The following HNF4G variants were observed in gnomAD, a reference collection of about 807,000 sequenced individuals.
HNF4G encodes the protein hepatocyte nuclear factor 4 gamma.
A neutral mutation model predicts 50.9 loss-of-function variants in HNF4G; 21 were observed. That is an observed-to-expected ratio of 0.41 (90% confidence interval 0.29 to 0.59). The LOEUF is 0.59. HNF4G is among the 20% of genes least tolerant of loss of function. The pLI, the probability that HNF4G is intolerant of heterozygous loss-of-function variation, is 0.26. For synonymous variants in HNF4G, 198 were observed against 185.6 expected, an observed-to-expected ratio of 1.07 and a Z score of -0.54; for missense variants, 527 against 559.4, an observed-to-expected ratio of 0.94 and a Z score of 0.58.
intron 1 of HNF4G, among the ~76,000 whole-genome samples, chr8:75,479,080 G>A (rs1812311318): frequency 6.6e-6 from 1 of 152,144 alleles, no homozygotes; most frequent in African/African-American, 2.4e-5. Flanking sequence ...CACAGAATTG[G>A]CCCTTGTTAT....
At chr8:75,412,350 G>A (rs1440105917) in intron 1 of HNF4G, among the ~76,000 whole-genome samples, 1 of 152,144 alleles carries the variant, frequency 6.6e-6, no homozygotes, top group African/African-American at 2.4e-5. Context: ...TGTTTCTTCA[G>A]ATTAAATAGC....
At chr8:75,504,500 A>G (rs1451222375) in intron 2 of HNF4G, among the ~76,000 whole-genome samples, 1 of 135,662 alleles carries the variant, frequency 7.4e-6, no homozygotes, top group Non-Finnish European at 1.5e-5. Flanking sequence ...TTACAAACAT[A>G]TATACACATA....
At chr8:75,506,875 C>CAAA (rs1813091037) in intron 2 of HNF4G, among the ~76,000 whole-genome samples, 1 of 152,086 alleles carries the variant, frequency 6.6e-6, no homozygotes. Flanking sequence ...ACAACAACAA[C>CAAA]ATCAGCAAAA....
intron 1 of HNF4G, among the ~76,000 whole-genome samples, chr8:75,471,299 G>A (rs1812105822): frequency 6.6e-6 from 1 of 152,112 alleles, no homozygotes; most frequent in African/African-American, 2.4e-5. Context: ...ACTGACTCTT[G>A]TAGCATAATC....
intron 1 of HNF4G, among the ~76,000 whole-genome samples, chr8:75,442,134 T>C (rs1811300673): frequency 6.6e-6 from 1 of 152,192 alleles, no homozygotes; most frequent in East Asian, 1.9e-4. Flanking sequence ...TTACTAACCA[T>C]AGATATGTGG....
chr8:75,471,086 G>A (rs567628058), intron 1 of HNF4G, among the ~76,000 whole-genome samples: 2 of 152,170 alleles, frequency 1.3e-5, no homozygotes, highest in Admixed American at 6.5e-5. Flanking sequence ...TCAGTATAAT[G>A]GAAAGACAAT....
intron 1 of HNF4G, among the ~76,000 whole-genome samples, chr8:75,413,342 A>AAGGGAGGGGAGGGGG (rs1810550256): frequency 6.0e-4 from 4 of 6,656 alleles, no homozygotes; most frequent in African/African-American, 2.4e-3. Flanking sequence ...AGGGGAGGGG[A>AAGGGAGGGGAGGGGG]GGGGTGGGGA....
intron 2 of HNF4G, among the ~76,000 whole-genome samples, chr8:75,498,048 G>A (rs1812823272): frequency 6.6e-6 from 1 of 151,840 alleles, no homozygotes; most frequent in African/African-American, 2.4e-5. Flanking sequence ...TAGAATCCCT[G>A]TCGGCACACA....
rs55688461 is a variant in HNF4G at position 75,433,199 on chromosome 8, A to G, written c.-144+25037A>G. Among the ~76,000 whole-genome samples the G allele has an allele frequency of 9.4e-3, 1,436 of 152,194 alleles. 26 individuals are homozygous for G. Among genetic ancestry groups the G allele is most frequent in the African/African-American group, 0.032 (1,319 of 41,534 alleles). ...GGGGCATGGCTTGAGGCTAAGAATT[A>G]GAGACCAGCCTGGTCAACATAGAAA... On this transcript the variant is annotated intron_variant, in intron 1 of 10. Transcript: ENST00000354370.
intron 2 of HNF4G, among the ~76,000 whole-genome samples, chr8:75,497,929 A>G (rs1483134802): frequency 1.3e-5 from 2 of 152,156 alleles, no homozygotes; most frequent in Non-Finnish European, 2.9e-5. Context: ...TTAATATAGT[A>G]TACATATTAA....
intron 2 of HNF4G, among the ~76,000 whole-genome samples, chr8:75,501,289 T>TA (rs1462080063): frequency 1.3e-5 from 2 of 151,406 alleles, no homozygotes; most frequent in East Asian, 1.9e-4. Flanking sequence ...AAAATAAAAA[T>TA]AAAAAAAATA....
At chr8:75,557,221 A>G (rs1414481851) in intron 6 of HNF4G, among the ~76,000 whole-genome samples, 1 of 152,242 alleles carries the variant, frequency 6.6e-6, no homozygotes, top group Non-Finnish European at 1.5e-5. Flanking sequence ...CTAACCTTTC[A>G]TAAAGAAAGA....
In HNF4G at chr8:75,566,800, C is replaced by A. The variant is rs1471678047; in HGVS notation, c.*2704C>A. 1 of 141,030 alleles carries A rather than the reference C, an allele frequency of 7.1e-6. No homozygotes were observed. The highest frequency in any genetic ancestry group is 2.8e-5 in the African/African-American group (1 of 35,592). The allele number at this position is 141,030 out of a possible 1,614,324, so 8.7% of individuals were successfully genotyped here. A position where few individuals can be genotyped will look rare whatever the true frequency, so the allele number is the denominator to read the frequency against. ...AAACTGTGATGCTATGTTTGTTTCA[C>A]TAAACTTTCTAAATAAAAACTGAGA... On this transcript the variant is annotated 3_prime_UTR_variant, in exon 10 of 10. Transcript: ENST00000396423.
At chr8:75,552,716 T>C (rs1211934613) in intron 4 of HNF4G, among the ~76,000 whole-genome samples, 1 of 152,156 alleles carries the variant, frequency 6.6e-6, no homozygotes, top group Non-Finnish European at 1.5e-5. Flanking sequence ...TCTATTTTTA[T>C]AGCCATTTTG....
At chr8:75,478,270 C>T (rs1812289115) in intron 1 of HNF4G, among the ~76,000 whole-genome samples, 1 of 152,120 alleles carries the variant, frequency 6.6e-6, no homozygotes, top group African/African-American at 2.4e-5. Flanking sequence ...GTTGAGATCC[C>T]ACCACTGCAC....
At chr8:75,555,922 TG>T in intron 5 of HNF4G, 59 bp from the exon 6 acceptor site, 2 of 925,272 alleles carry the variant, frequency 2.2e-6, no homozygotes, top group Middle Eastern at 3.6e-4. Context: ...ACAAGACTCA[TG>T]TCATCTTTTA....
chr8:75,486,638 A>G (rs1436013367), intron 1 of HNF4G, among the ~76,000 whole-genome samples: 1 of 152,186 alleles, frequency 6.6e-6, no homozygotes, highest in Non-Finnish European at 1.5e-5. Flanking sequence ...CAGGCAAAAA[A>G]CAAACAAACA....
intron 1 of HNF4G, among the ~76,000 whole-genome samples, chr8:75,412,114 T>G (rs1057371570): frequency 6.6e-6 from 1 of 152,224 alleles, no homozygotes; most frequent in African/African-American, 2.4e-5. Context: ...CAGAAAATTG[T>G]GGACCGCTGG....
chr8:75,443,698 T>C (rs780004731), intron 1 of HNF4G, among the ~76,000 whole-genome samples: 2 of 152,182 alleles, frequency 1.3e-5, no homozygotes, highest in African/African-American at 4.8e-5. Context: ...GAACATGTGA[T>C]ATATATGGCA....
Sources: gnomAD v4.1 joint callset for allele counts (sites outside exome capture counted in the v4.1 genomes callset) on GRCh38, gnomAD v4.1.1 for gene constraint, MANE v1.5 for transcripts, NCBI Gene and HGNC (gene_info 2026-07-23, HGNC 2026-07-21) for gene names.